SLC20A2: variants seen among roughly 807,000 people sequenced by gnomAD.
SLC20A2 encodes solute carrier family 20 member 2.
Under a neutral mutation model 61.0 loss-of-function variants are expected in SLC20A2, and 30 were observed. That is an observed-to-expected ratio of 0.49 (90% confidence interval 0.37 to 0.67). The LOEUF (loss-of-function observed/expected upper bound fraction) is 0.67. SLC20A2 is among the 30% of genes least tolerant of loss of function. SLC20A2 has a pLI of 0.00. For synonymous variants in SLC20A2, 351 were observed against 353.3 expected, an observed-to-expected ratio of 0.99 and a Z score of 0.07; for missense variants, 626 against 866.4, an observed-to-expected ratio of 0.72 and a Z score of 3.48.
chr8:42,480,908 G>A (rs909485728), intron 1 of SLC20A2, among the ~76,000 whole-genome samples: 7 of 152,090 alleles, frequency 4.6e-5, no homozygotes, highest in African/African-American at 1.2e-4. Context: ...TGATTCTCCC[G>A]CCTCAGCCTC....
intron 8 of SLC20A2, among the ~76,000 whole-genome samples, chr8:42,431,243 C>T (rs567324957): frequency 1.3e-5 from 2 of 152,314 alleles, no homozygotes; most frequent in South Asian, 2.1e-4. Context: ...CTTCAATGAA[C>T]ACATGAATAA....
intron 10 of SLC20A2, among the ~76,000 whole-genome samples, chr8:42,423,493 T>C (rs1400941810): frequency 1.3e-5 from 2 of 152,108 alleles, no homozygotes. Context: ...GTCAGGTCTG[T>C]TTTTAAAATT....
chr8:42,510,549 G>T (rs1276974026), intron 1 of SLC20A2, among the ~76,000 whole-genome samples: 1 of 152,124 alleles, frequency 6.6e-6, no homozygotes, highest in African/African-American at 2.4e-5. Flanking sequence ...AATCTATATT[G>T]TTTCACAATC....
chr8:42,489,130 G>C (rs1309860016), intron 1 of SLC20A2, among the ~76,000 whole-genome samples: 4 of 151,962 alleles, frequency 2.6e-5, no homozygotes, highest in Admixed American at 1.3e-4. Flanking sequence ...GTAGAGACAG[G>C]GTTTTGCCAT....
intron 4 of SLC20A2, among the ~76,000 whole-genome samples, chr8:42,461,902 G>A (rs148837692): frequency 1.3e-5 from 2 of 152,224 alleles, no homozygotes; most frequent in Admixed American, 6.5e-5. Context: ...GCACAGTGCT[G>A]GGCCCTAGAA....
In SLC20A2 at chr8:42,464,161, G is replaced by A. The variant is rs1190192220; in HGVS notation, c.431-1071C>T. Reference sequence around the variant, plus strand: ...TGCTCTGTCACCCAGGGGCTGGAGTGCAGTGGCATAATCATGGCTCACTGC... The same window carrying A: ...TGCTCTGTCACCCAGGGGCTGGAGTACAGTGGCATAATCATGGCTCACTGC... On this transcript the variant is annotated intron_variant, in intron 3 of 10. Coordinates refer to ENST00000520262, the MANE Select transcript of SLC20A2 (RefSeq NM_001257180.2). 3.7e-5 allele frequency among the ~76,000 whole-genome samples: 5 copies of A among 135,362 alleles called. No homozygotes were observed. In the South Asian group the frequency reaches 1.2e-3, roughly 33 times the overall value. 88.8% of individuals were successfully genotyped at this position (135,362 alleles called of 152,430 possible).
chr8:42,523,410 A>G lies in SLC20A2; in HGVS notation c.-265+18411T>C, dbSNP rs181307803. Among the ~76,000 whole-genome samples the G allele has an allele frequency of 1.6e-4, 24 of 152,376 alleles. No individual in the cohort carries two copies. The East Asian group carries it at 4.2e-3, about 27-fold the overall frequency. ...AGTATGTGAACAAACAGAGGCTATT[A>G]TAGCATAAATTCAATGCAAGTAAAT... On this transcript the variant is annotated intron_variant, in intron 1 of 10. Coordinates refer to the SLC20A2 transcript ENST00000342228.
At chr8:42,522,866 G>A (rs1472147642) in intron 1 of SLC20A2, among the ~76,000 whole-genome samples, 13 of 132,024 alleles carry the variant, frequency 9.8e-5, no homozygotes, top group Non-Finnish European at 1.7e-4. Flanking sequence ...CACCACACCT[G>A]GCTAATAATA....
At chr8:42,492,493 G>C (rs1416305003) in intron 1 of SLC20A2, among the ~76,000 whole-genome samples, 1 of 152,214 alleles carries the variant, frequency 6.6e-6, no homozygotes, top group East Asian at 1.9e-4. Flanking sequence ...ATGAAGAAAG[G>C]AAGGCGAGCA....
chr8:42,469,744 A>G (rs1245368960), intron 2 of SLC20A2, among the ~76,000 whole-genome samples: 1 of 152,086 alleles, frequency 6.6e-6, no homozygotes, highest in East Asian at 1.9e-4. Flanking sequence ...CCTGACTAAC[A>G]TGGTGAAACC....
intron 1 of SLC20A2, among the ~76,000 whole-genome samples, chr8:42,495,026 T>G (rs1442987598): frequency 1.3e-5 from 2 of 151,524 alleles, no homozygotes; most frequent in Non-Finnish European, 2.9e-5. Flanking sequence ...TTTTTGTATT[T>G]TTTTTTTTTT....
chr8:42,429,873 GGCC>G (rs1803712706), intron 9 of SLC20A2, among the ~76,000 whole-genome samples, 188 bp downstream of exon 9: 1 of 152,142 alleles, frequency 6.6e-6, no homozygotes, highest in African/African-American at 2.4e-5. Context: ...TGTGGCTGGG[GGCC>G]GGGCACAGTA....
intron 1 of SLC20A2, among the ~76,000 whole-genome samples, chr8:42,482,401 G>A (rs1045370243): frequency 6.6e-6 from 1 of 152,002 alleles, no homozygotes; most frequent in African/African-American, 2.4e-5. Context: ...GGCTGGGCGA[G>A]GTGGTTCATG....
At chr8:42,528,886 C>T (rs1412133226) in intron 1 of SLC20A2, among the ~76,000 whole-genome samples, 1 of 151,966 alleles carries the variant, frequency 6.6e-6, no homozygotes, top group Non-Finnish European at 1.5e-5. Flanking sequence ...AGGCTGGTCT[C>T]GAACTCCTGA....
intron 5 of SLC20A2, among the ~76,000 whole-genome samples, chr8:42,452,529 A>G (rs1010517404): frequency 1.3e-5 from 2 of 148,816 alleles, no homozygotes; most frequent in Non-Finnish European, 3.0e-5. Context: ...GATAAAGAGG[A>G]GGAGGAAGAA....
At chr8:42,418,023 A>G in intron 10 of SLC20A2, 56 bp from the exon 11 acceptor site, 2 of 1,457,822 alleles carry the variant, frequency 1.4e-6, no homozygotes, top group Admixed American at 1.8e-5. Flanking sequence ...GCTACACTCT[A>G]CCAATGTACA....
chr8:42,477,621 C>A (rs1415988283), intron 1 of SLC20A2, among the ~76,000 whole-genome samples: 1 of 151,804 alleles, frequency 6.6e-6, no homozygotes, highest in Non-Finnish European at 1.5e-5. Flanking sequence ...AAGGCACGCA[C>A]CACCATGTCC....
intron 1 of SLC20A2, among the ~76,000 whole-genome samples, chr8:42,476,327 T>A (rs915376538): frequency 6.6e-6 from 1 of 151,948 alleles, no homozygotes; most frequent in African/African-American, 2.4e-5. Context: ...ATGGTCTCAA[T>A]CTGCTGACCT....
intron 1 of SLC20A2, among the ~76,000 whole-genome samples, chr8:42,485,733 G>A (rs1159979899): frequency 2.0e-5 from 3 of 150,788 alleles, no homozygotes; most frequent in African/African-American, 7.3e-5. Flanking sequence ...GGATCACAAG[G>A]TCAAGAGATC....
Sources: gnomAD v4.1 joint callset for allele counts (sites outside exome capture counted in the v4.1 genomes callset) on GRCh38, gnomAD v4.1.1 for gene constraint, MANE v1.5 for transcripts, NCBI Gene and HGNC (gene_info 2026-07-23, HGNC 2026-07-21) for gene names.